MIGA1: variants seen among roughly 807,000 people sequenced by gnomAD.
The protein encoded by MIGA1 is family with sequence similarity 73, member A.
Under a neutral mutation model 82.0 loss-of-function variants are expected in MIGA1, and 58 were observed. The observed-to-expected ratio is 0.71, with a 90% CI of 0.57 to 0.88. MIGA1 has a LOEUF of 0.88. MIGA1 is among the 40% of genes least tolerant of loss of function. The pLI, the probability that MIGA1 is intolerant of heterozygous loss-of-function variation, is 0.00. For synonymous variants in MIGA1, 249 were observed against 253.6 expected (o/e 0.98, Z 0.17); for missense variants, 751 against 749.1 (o/e 1.00, Z -0.03).
chr1:77,780,055 G>C (rs1195221211), intron 1 of MIGA1: 7 of 1,105,546 alleles, frequency 6.3e-6, no homozygotes, highest in Non-Finnish European at 7.7e-6. Context: ...GCTCGCCACT[G>C]CTCTGAGCCA....
chr1:77,864,007 A>G lies in MIGA1; in HGVS notation c.1488A>G (p.Leu496=). ...AGAATGTAGTAAATAATCGATGGCT[A>G]AACTCATCCTTCAAAGAAACAGTAA... Residue 496 remains leucine, a synonymous_variant, in exon 13 of 16, where the codon CTA becomes CTG. Coordinates refer to ENST00000370791, the MANE Select transcript of MIGA1 (RefSeq NM_198549.4). The G allele has an allele frequency of 6.2e-7, 1 of 1,605,104 alleles. No individual in the cohort carries two copies. The highest frequency in any genetic ancestry group is 8.5e-7 in the Non-Finnish European group (1 of 1,178,138).
intron 7 of MIGA1, among the ~76,000 whole-genome samples, chr1:77,831,113 C>A (rs1057427414): frequency 6.6e-6 from 1 of 152,182 alleles, no homozygotes; most frequent in African/African-American, 2.4e-5. Context: ...AATTGATGTG[C>A]CCTCAGCCTG....
intron 7 of MIGA1, among the ~76,000 whole-genome samples, chr1:77,824,600 G>A (rs1431404678): frequency 6.6e-6 from 1 of 152,084 alleles, no homozygotes; most frequent in Non-Finnish European, 1.5e-5. Context: ...TTTGGAAGGA[G>A]GTGATACTGA....
rs556265362 is a variant in MIGA1 at position 77,784,352 on chromosome 1, G to A, written c.195+1001G>A. On this transcript the variant is annotated intron_variant, in intron 2 of 15. Coordinates refer to ENST00000370791, the MANE Select transcript of MIGA1 (RefSeq NM_198549.4). Reference sequence around the variant, plus strand: ...CAATCCTCCCACTTCAGCCTCTCAAGTAGCTGGGACTACAGGCATGTGCCA... The same window carrying A: ...CAATCCTCCCACTTCAGCCTCTCAAATAGCTGGGACTACAGGCATGTGCCA... 2.0e-5 allele frequency among the ~76,000 whole-genome samples: 3 copies of A among 152,172 alleles called. No individual in the cohort carries two copies. The South Asian group carries it at 6.2e-4, about 32-fold the overall frequency.
chr1:77,830,528 C>G (rs1318002722), intron 7 of MIGA1, among the ~76,000 whole-genome samples: 1 of 152,108 alleles, frequency 6.6e-6, no homozygotes, highest in African/African-American at 2.4e-5. Context: ...GGAATGATAA[C>G]ATGTTTATTT....
At chr1:77,812,123 A>C (rs1332641754) in intron 5 of MIGA1, among the ~76,000 whole-genome samples, 2 of 152,072 alleles carry the variant, frequency 1.3e-5, no homozygotes, top group Non-Finnish European at 2.9e-5. Context: ...AGACCAGCCT[A>C]GGTAACATAG....
chr1:77,819,771 G>C (rs772561393), intron 7 of MIGA1, among the ~76,000 whole-genome samples: 3 of 151,940 alleles, frequency 2.0e-5, no homozygotes, highest in Non-Finnish European at 4.4e-5. Context: ...GGGTAGAGGT[G>C]AGGTTTTGCC....
intron 7 of MIGA1, among the ~76,000 whole-genome samples, chr1:77,841,215 AT>A (rs1319202043): frequency 1.3e-5 from 2 of 152,170 alleles, no homozygotes; most frequent in Non-Finnish European, 2.9e-5. Flanking sequence ...TAGTAGAAAG[AT>A]TTTTAAGATG....
At chr1:77,873,864 C>T (rs1294418896) in intron 15 of MIGA1, among the ~76,000 whole-genome samples, 1 of 152,078 alleles carries the variant, frequency 6.6e-6, no homozygotes, top group East Asian at 1.9e-4. Flanking sequence ...ATTTTACTGT[C>T]ATTCAGAACA....
At chr1:77,824,320 G>C (rs1473882467) in intron 7 of MIGA1, among the ~76,000 whole-genome samples, 1 of 152,154 alleles carries the variant, frequency 6.6e-6, no homozygotes, top group Non-Finnish European at 1.5e-5. Flanking sequence ...CCAGCACTTG[G>C]GAGGCTGAGG....
chr1:77,779,669 G>A lies in MIGA1; in HGVS notation c.14G>A (p.Cys5Tyr). Residue 5 changes from cysteine (C) to tyrosine (Y), a missense_variant, in exon 1 of 16, where the codon TGC becomes TAC. Transcript: ENST00000370791. ...TCCGCCTTCTCCATGTCAGACTGCT[G>A]CTCAGCGCCAGGCATCAGCTGGGAA... is the stretch of plus-strand genomic sequence containing the variant. The A allele has an allele frequency of 6.3e-7, 1 of 1,584,948 alleles. No homozygotes were observed.
intron 7 of MIGA1, among the ~76,000 whole-genome samples, chr1:77,840,335 G>A (rs1000307695): frequency 1.3e-5 from 2 of 152,052 alleles, no homozygotes; most frequent in African/African-American, 4.8e-5. Context: ...TACAAGTATG[G>A]TAACTGATCT....
At chr1:77,869,450 C>A (rs1278678964) in intron 14 of MIGA1, among the ~76,000 whole-genome samples, 1 of 144,726 alleles carries the variant, frequency 6.9e-6, no homozygotes, top group East Asian at 2.1e-4. Context: ...CCCCAATGAG[C>A]CGCTGGGCAC....
intron 8 of MIGA1, chr1:77,848,136 C>T (rs962809475): frequency 1.3e-5 from 18 of 1,355,278 alleles, no homozygotes; most frequent in Middle Eastern, 1.8e-4. Context: ...TTACACTGAC[C>T]GTGATTACCA....
chr1:77,811,921 C>T (rs1309042419), intron 5 of MIGA1: 25 of 1,420,230 alleles, frequency 1.8e-5, no homozygotes, highest in South Asian at 4.9e-5. Context: ...GCCGAGGAGC[C>T]GCCCAAGCCC....
intron 12 of MIGA1, chr1:77,861,655 G>T: frequency 4.5e-6 from 1 of 224,134 alleles, no homozygotes; most frequent in Non-Finnish European, 8.8e-6. Flanking sequence ...ACAGCTTTGG[G>T]TAGTACAACA....
intron 7 of MIGA1, among the ~76,000 whole-genome samples, chr1:77,820,668 A>G (rs1350943316): frequency 4.6e-5 from 7 of 152,110 alleles, no homozygotes; most frequent in African/African-American, 1.7e-4. Flanking sequence ...GCCAATTTCA[A>G]GACGTTCTTT....
At chr1:77,815,309 C>CT in intron 7 of MIGA1, 78 bp downstream of exon 7, 1 of 1,187,542 alleles carries the variant, frequency 8.4e-7, no homozygotes, top group African/African-American at 1.6e-5. Context: ...GCATAAGTGT[C>CT]TGTCTTATGT....
chr1:77,824,979 T>A (rs1683972632), intron 7 of MIGA1, among the ~76,000 whole-genome samples: 1 of 138,152 alleles, frequency 7.2e-6, no homozygotes, highest in Admixed American at 8.7e-5. Flanking sequence ...TTTGTTCTAT[T>A]CCTCTTTTTT....
Sources: allele counts gnomAD v4.1 joint callset (sites outside exome capture counted in the v4.1 genomes callset), GRCh38; gene constraint gnomAD v4.1.1; transcripts MANE v1.5; gene names NCBI Gene and HGNC (gene_info 2026-07-23, HGNC 2026-07-21).